ROBO1: variants seen among roughly 807,000 people sequenced by gnomAD.
ROBO1 encodes roundabout homolog 1.
ROBO1 carries 149 observed loss-of-function variants against 195.9 expected under a neutral mutation model. That is an observed-to-expected ratio of 0.76 (90% CI 0.67 to 0.87). ROBO1 has a LOEUF of 0.87. Ranked by LOEUF, ROBO1 falls within the 40% of genes least tolerant of loss-of-function variation. The pLI is 0.00. For missense variants in ROBO1, 1,933 were observed against 2,068.3 expected (o/e 0.93, Z 1.27); for synonymous variants, 816 against 733.2 (o/e 1.11, Z -1.82).
chr3:78,949,709 T>C (rs2040664929), intron 3 of ROBO1, among the ~76,000 whole-genome samples: 2 of 151,970 alleles, frequency 1.3e-5, no homozygotes, highest in African/African-American at 4.8e-5. Context: ...GAAACTACCA[T>C]CAGAGTGAAC....
chr3:79,142,872 T>G (rs2080557112), intron 2 of ROBO1, among the ~76,000 whole-genome samples: 1 of 152,098 alleles, frequency 6.6e-6, no homozygotes, highest in Non-Finnish European at 1.5e-5. Context: ...GTATGAACAT[T>G]TTAAGGAAAT....
At chr3:78,944,393 G>A (rs1161817308) in intron 3 of ROBO1, among the ~76,000 whole-genome samples, 1 of 152,182 alleles carries the variant, frequency 6.6e-6, no homozygotes, top group Non-Finnish European at 1.5e-5. Flanking sequence ...GCCATGTGAG[G>A]ACACAGAAGG....
intron 3 of ROBO1, among the ~76,000 whole-genome samples, chr3:79,120,597 T>C (rs2080099052): frequency 6.6e-6 from 1 of 152,112 alleles, no homozygotes; most frequent in African/African-American, 2.4e-5. Context: ...AAGAGTGATG[T>C]AAGAAAGTCT....
chr3:79,411,083 T>A (rs959527721), intron 2 of ROBO1, among the ~76,000 whole-genome samples: 3 of 152,164 alleles, frequency 2.0e-5, no homozygotes, highest in Admixed American at 6.6e-5. Flanking sequence ...TCTATGTCTC[T>A]TTTTGAAGAT....
chr3:79,335,927 C>T (rs1240341788), intron 2 of ROBO1, among the ~76,000 whole-genome samples: 2 of 152,154 alleles, frequency 1.3e-5, no homozygotes, highest in African/African-American at 4.8e-5. Context: ...TCAGATGAAG[C>T]TGAGGAACTT....
chr3:78,713,135 A>G (rs1210513110), intron 8 of ROBO1, among the ~76,000 whole-genome samples: 3 of 151,916 alleles, frequency 2.0e-5, no homozygotes, highest in Admixed American at 1.3e-4. Flanking sequence ...AACTTAGATT[A>G]AAGAGTAGTC....
intron 21 of ROBO1, among the ~76,000 whole-genome samples, chr3:78,641,796 AAC>A (rs200945822): frequency 0.03 from 4,493 of 152,300 alleles, 87 homozygotes; most frequent in Non-Finnish European, 0.047. Context: ...CCCTCTGAAA[AAC>A]ACTTTCATAG....
chr3:79,137,315 G>A lies in ROBO1; in HGVS notation c.89-11776C>T, dbSNP rs1021474448. Among the ~76,000 whole-genome samples the A allele has an allele frequency of 3.9e-5, 6 of 151,936 alleles. No homozygotes were observed. The South Asian group carries it at 1.0e-3, about 26-fold the overall frequency. On this transcript the variant is annotated intron_variant, in intron 2 of 30. Coordinates refer to ENST00000464233, the MANE Select transcript of ROBO1 (RefSeq NM_002941.4). ...TCAGAGTAGTTTATTATTTGGATAA[G>A]CTGAAATAATCTTAATGGAGAGTAG...
intron 3 of ROBO1, among the ~76,000 whole-genome samples, chr3:79,059,960 T>G (rs2078885092): frequency 6.6e-6 from 1 of 151,806 alleles, no homozygotes; most frequent in Non-Finnish European, 1.5e-5. Context: ...AACAGAGTCA[T>G]ATTTCTCTTC....
chr3:79,505,801 G>A (rs1940361367), intron 2 of ROBO1, among the ~76,000 whole-genome samples: 1 of 152,206 alleles, frequency 6.6e-6, no homozygotes, highest in South Asian at 2.1e-4. Flanking sequence ...TAGGTTTACA[G>A]AGCAGTGAAG....
intron 2 of ROBO1, among the ~76,000 whole-genome samples, chr3:79,127,024 T>C (rs549705461): frequency 6.7e-6 from 1 of 149,558 alleles, no homozygotes; most frequent in African/African-American, 2.5e-5. Context: ...AAAAAAAAAG[T>C]TAAGATCTGT....
At chr3:78,884,010 T>C (rs1467243746) in intron 4 of ROBO1, among the ~76,000 whole-genome samples, 1 of 152,104 alleles carries the variant, frequency 6.6e-6, no homozygotes, top group East Asian at 1.9e-4. Context: ...CCAGGTAGTT[T>C]TGGACTGCAA....
At chr3:78,939,050 C>T in intron 3 of ROBO1, 123 bp from the exon 4 acceptor site, 1 of 799,194 alleles carries the variant, frequency 1.3e-6, no homozygotes, top group South Asian at 1.9e-5. Flanking sequence ...GCCTTCCTAC[C>T]CTATTTACTA....
rs940363733 is a variant in ROBO1, at chr3:78,606,901, C to T, written c.4576G>A (p.Gly1526Arg). 1 of 1,613,852 alleles carries T rather than the reference C, an allele frequency of 6.2e-7. No individual in the cohort carries two copies. The highest frequency in any genetic ancestry group is 1.6e-4 in the Middle Eastern group (1 of 6,062). The change falls in exon 29 of 31, where the codon GGA (glycine) becomes AGA (arginine). Residue 1526 changes from glycine (G) to arginine (R), a missense_variant. By Grantham distance (125) the Gly-to-Arg change is moderately radical (BLOSUM62 -2). Transcript: ENST00000464233. ...ACTTCTCTCCCCTTGTAACTGCTTCCTTTTCTGTCTGATGATCTGTCTGTT... is the reference window on the plus strand; with the variant it reads ...ACTTCTCTCCCCTTGTAACTGCTTCTTTTTCTGTCTGATGATCTGTCTGTT... ...ARTDRSSDRK[G>R]SSYKGREVLD...
At chr3:79,757,040 A>T (rs6802127) in intron 1 of ROBO1, among the ~76,000 whole-genome samples, 6 of 151,508 alleles carry the variant, frequency 4.0e-5, no homozygotes, top group Admixed American at 6.6e-5. Context: ...ATAATAGATC[A>T]TTGTTTGTTT....
At chr3:79,658,612 T>C (rs2106806347) in intron 1 of ROBO1, among the ~76,000 whole-genome samples, 1 of 152,226 alleles carries the variant, frequency 6.6e-6, no homozygotes, top group East Asian at 1.9e-4. Context: ...TATGGATACA[T>C]AGTAGGCATG....
chr3:79,211,940 G>A (rs575626290), intron 2 of ROBO1, among the ~76,000 whole-genome samples: 22 of 152,264 alleles, frequency 1.4e-4, no homozygotes, highest in Admixed American at 5.9e-4. Context: ...TTTATTGACA[G>A]CAAGCTAGTG....
intron 2 of ROBO1, among the ~76,000 whole-genome samples, chr3:79,383,328 G>T (rs1240557974): frequency 6.6e-6 from 1 of 151,858 alleles, no homozygotes; most frequent in Non-Finnish European, 1.5e-5. Context: ...ATACTGAAAG[G>T]TTGATAGTAA....
At chr3:79,651,262 C>T (rs899972410) in intron 1 of ROBO1, among the ~76,000 whole-genome samples, 10 of 151,752 alleles carry the variant, frequency 6.6e-5, no homozygotes, top group African/African-American at 2.4e-4. Context: ...AACTGTATTC[C>T]TAATGATTTA....
Sources: allele counts gnomAD v4.1 joint callset (sites outside exome capture counted in the v4.1 genomes callset), GRCh38; gene constraint gnomAD v4.1.1; transcripts MANE v1.5; gene names NCBI Gene and HGNC (gene_info 2026-07-23, HGNC 2026-07-21).